The following PPP1R9A variants were observed in gnomAD, a reference collection of about 807,000 sequenced individuals.
PPP1R9A encodes protein phosphatase 1 regulatory subunit 9A.
PPP1R9A carries 59 observed loss-of-function variants against 141.9 expected under a neutral mutation model. The ratio of observed to expected loss-of-function variants is 0.42; its 90% CI spans 0.34 to 0.52. PPP1R9A has a LOEUF of 0.52. Among genes scored for constraint, PPP1R9A ranks in the 20% least tolerant of loss-of-function variants. The probability of loss-of-function intolerance (pLI) is 0.10; values close to 1 mark genes in which losing one functional copy is unlikely to be tolerated. For missense variants in PPP1R9A, 1,444 were observed against 1,611.9 expected, an observed-to-expected ratio of 0.90 and a Z score of 1.78; for synonymous variants, 500 against 569.7, an observed-to-expected ratio of 0.88 and a Z score of 1.74.
At chr7:95,058,908 G>T (rs958718427) in intron 2 of PPP1R9A, among the ~76,000 whole-genome samples, 1 of 151,928 alleles carries the variant, frequency 6.6e-6, no homozygotes, top group African/African-American at 2.4e-5. Flanking sequence ...TTCTGCCTCA[G>T]CCTCCCAAAT....
intron 1 of PPP1R9A, among the ~76,000 whole-genome samples, chr7:94,909,550 G>T (rs747587479): frequency 6.6e-6 from 1 of 152,122 alleles, no homozygotes; most frequent in Non-Finnish European, 1.5e-5. Flanking sequence ...TCGATGAACT[G>T]CTGGTTTCTT....
intron 2 of PPP1R9A, among the ~76,000 whole-genome samples, chr7:94,980,057 C>G (rs1799901416): frequency 6.6e-6 from 1 of 151,856 alleles, no homozygotes; most frequent in African/African-American, 2.4e-5. Context: ...GATGCTTGTT[C>G]TTAAAATTTG....
chr7:95,287,220 G>C, intron 18 of PPP1R9A: 4 of 1,465,408 alleles, frequency 2.7e-6, no homozygotes, highest in Non-Finnish European at 3.8e-6. Context: ...TGAAAAATCA[G>C]ACAATACAAG....
Position 94,910,409 on chromosome 7 carries a change from G to T in PPP1R9A, c.296G>T (p.Arg99Ile). 3 of 1,614,152 alleles carry T rather than the reference G, an allele frequency of 1.9e-6. No homozygotes were observed. Among genetic ancestry groups the T allele is most frequent in the Non-Finnish European group, 2.5e-6 (3 of 1,180,016 alleles). ...GKGGHSSPQR[R>I]MKPKEFLEKT... ...GGTGGACATTCATCTCCTCAGAGAA[G>T]AATGAAGCCCAAAGAATTTCTGGAA... The change falls in exon 2 of 20, where the codon AGA becomes ATA. Residue 99 changes from arginine to isoleucine, a missense_variant. Coordinates refer to ENST00000433360, the MANE Select transcript of PPP1R9A (RefSeq NM_001166160.2). This position sits in a 1 kb window ranked among gnomAD's most constrained non-coding sequence, Gnocchi z 4.5.
At chr7:95,009,288 C>T (rs551111544) in intron 2 of PPP1R9A, among the ~76,000 whole-genome samples, 1 of 152,266 alleles carries the variant, frequency 6.6e-6, no homozygotes, top group East Asian at 1.9e-4. Flanking sequence ...TACACTAGAA[C>T]TTAAAGTATA....
At chr7:95,201,291 A>G (rs1308998450) in intron 6 of PPP1R9A, among the ~76,000 whole-genome samples, 1 of 152,172 alleles carries the variant, frequency 6.6e-6, no homozygotes, top group African/African-American at 2.4e-5. Flanking sequence ...TGTTACTCCA[A>G]GTAACTCACT....
chr7:95,010,639 A>T (rs1370343918), intron 2 of PPP1R9A, among the ~76,000 whole-genome samples: 4 of 152,150 alleles, frequency 2.6e-5, no homozygotes, highest in Admixed American at 6.6e-5. Context: ...TGTTAGCAAG[A>T]TGGAGTAGTC....
rs1242450112 is a variant in PPP1R9A, at chr7:95,226,507, G to C, written c.2112+391G>C. ...TGAAATAGGTTTCTAATAAGCATCA[G>C]ATGGCATACCCAAAGGGTTTACTTG... On this transcript the variant is annotated intron_variant, in intron 8 of 19. Transcript: ENST00000433360. 2.0e-5 allele frequency among the ~76,000 whole-genome samples: 3 copies of C among 152,172 alleles called. No homozygotes were observed. The East Asian group carries it at 5.8e-4, about 29-fold the overall frequency.
intron 2 of PPP1R9A, among the ~76,000 whole-genome samples, chr7:95,034,005 C>G (rs990948614): frequency 6.6e-6 from 1 of 151,964 alleles, no homozygotes; most frequent in Non-Finnish European, 1.5e-5. Context: ...TGGCCTTTTG[C>G]GTTTGCATAT....
chr7:95,192,166 A>G (rs981971252), intron 5 of PPP1R9A, among the ~76,000 whole-genome samples: 2 of 152,004 alleles, frequency 1.3e-5, no homozygotes, highest in Non-Finnish European at 2.9e-5. Flanking sequence ...TCTATTTTCA[A>G]TACTGTGATC....
chr7:95,177,681 A>G (rs955731955), intron 5 of PPP1R9A, among the ~76,000 whole-genome samples: 1 of 152,146 alleles, frequency 6.6e-6, no homozygotes, highest in Non-Finnish European at 1.5e-5. Flanking sequence ...AAGAAGCAGA[A>G]AAAGGCATTT....
chr7:94,944,619 G>A (rs1040302237), intron 2 of PPP1R9A, among the ~76,000 whole-genome samples: 11 of 152,032 alleles, frequency 7.2e-5, no homozygotes, highest in African/African-American at 1.9e-4. Context: ...GATCAGAACC[G>A]TTTCTTTGAC....
chr7:94,974,539 A>G (rs901264051), intron 2 of PPP1R9A, among the ~76,000 whole-genome samples: 2 of 152,238 alleles, frequency 1.3e-5, no homozygotes, highest in Non-Finnish European at 2.9e-5. Flanking sequence ...TGGAAAAAGA[A>G]CAAGAGCATG....
chr7:95,107,301 T>C (rs1043188485), intron 2 of PPP1R9A, among the ~76,000 whole-genome samples: 3 of 152,322 alleles, frequency 2.0e-5, no homozygotes, highest in South Asian at 2.1e-4. Flanking sequence ...GGAATATTCA[T>C]GTTTCATCTT....
At chr7:94,950,349 T>C (rs1796338513) in intron 2 of PPP1R9A, among the ~76,000 whole-genome samples, 1 of 152,126 alleles carries the variant, frequency 6.6e-6, no homozygotes, top group African/African-American at 2.4e-5. Context: ...TCATGATGCT[T>C]TATTTGCTTT....
At chr7:95,181,979 A>G (rs550549066) in intron 5 of PPP1R9A, among the ~76,000 whole-genome samples, 16 of 151,792 alleles carry the variant, frequency 1.1e-4, no homozygotes, top group African/African-American at 3.4e-4. Context: ...GGGCTAAGCT[A>G]TGAGGATGTA....
At chr7:95,185,197 T>C (rs899024533) in intron 5 of PPP1R9A, among the ~76,000 whole-genome samples, 3 of 152,036 alleles carry the variant, frequency 2.0e-5, no homozygotes, top group Non-Finnish European at 4.4e-5. Flanking sequence ...CCAACATCTA[T>C]GTTTTTTGTC....
At chr7:95,040,011 G>A (rs1050383677) in intron 2 of PPP1R9A, among the ~76,000 whole-genome samples, 1 of 152,018 alleles carries the variant, frequency 6.6e-6, no homozygotes, top group Non-Finnish European at 1.5e-5. Context: ...AATCAAAGAC[G>A]GAGAAGATCT....
chr7:94,921,295 A>T (rs1367923026), intron 2 of PPP1R9A, among the ~76,000 whole-genome samples: 1 of 151,978 alleles, frequency 6.6e-6, no homozygotes, highest in East Asian at 1.9e-4. Flanking sequence ...AAATACAAAA[A>T]AATTAGCTGG....
Sources: gnomAD v4.1 joint callset for allele counts (sites outside exome capture counted in the v4.1 genomes callset) on GRCh38, gnomAD v4.1.1 for gene constraint, Gnocchi (gnomAD v3.1) non-coding constraint, MANE v1.5 for transcripts, NCBI Gene and HGNC (gene_info 2026-07-23, HGNC 2026-07-21) for gene names.